TEK: variants seen among roughly 807,000 people sequenced by gnomAD.
The protein encoded by TEK is angiopoietin-1 receptor.
TEK carries 43 observed loss-of-function variants against 131.8 expected under a neutral mutation model. The observed-to-expected ratio is 0.33, with a 90% CI of 0.26 to 0.42. The LOEUF is 0.42. Ranked by LOEUF, TEK falls within the 10% of genes least tolerant of loss-of-function variation. The pLI, the probability that TEK is intolerant of heterozygous loss-of-function variation, is 1.00. For missense variants in TEK, 1,162 were observed against 1,384.4 expected (o/e 0.84, Z 2.55); for synonymous variants, 580 against 491.6 (o/e 1.18, Z -2.38).
chr9:27,157,950 G>C lies in TEK; in HGVS notation c.172G>C (p.Gly58Arg), dbSNP rs1272264375. 1.2e-6 allele frequency: 2 copies of C among 1,614,004 alleles called. No homozygotes were observed. The highest frequency in any genetic ancestry group is 1.1e-5 in the South Asian group (1 of 91,068). ...GCGCCCCCATGAGCCCATCACCATA[G>C]GAAGGGACTTTGAAGCCTTAATGAA... Reference protein sequence around the residue: ...GWRPHEPITIGRDFEALMNQH... With the variant: ...GWRPHEPITIRRDFEALMNQH... The change falls in exon 2 of 23, where the codon GGA becomes CGA. Residue 58 changes from glycine to arginine, a missense_variant. Gly to Arg is a moderately radical substitution (Grantham distance 125). This residue lies in a region of TEK where 436 missense variants were observed against 539.1 expected (regional missense o/e 0.81). Coordinates refer to ENST00000380036, the MANE Select transcript of TEK (RefSeq NM_000459.5).
At chr9:27,164,825 C>T (rs889828439) in intron 2 of TEK, among the ~76,000 whole-genome samples, 3 of 152,184 alleles carry the variant, frequency 2.0e-5, no homozygotes, top group Non-Finnish European at 4.4e-5. Context: ...CATGAGCCAC[C>T]GCCCCCAGGT....
chr9:27,154,954 A>C (rs1328378103), intron 1 of TEK, among the ~76,000 whole-genome samples: 1 of 152,232 alleles, frequency 6.6e-6, no homozygotes, highest in Non-Finnish European at 1.5e-5. Flanking sequence ...TGTCTTTTCA[A>C]ATCAACTGCA....
rs1587044676 is a variant in TEK, at chr9:27,220,155, G to C, written c.3200+10G>C. The C allele has an allele frequency of 1.9e-6, 3 of 1,612,806 alleles. No homozygotes were observed. Among genetic ancestry groups the C allele is most frequent in the South Asian group, 2.2e-5 (2 of 91,044 alleles). ...ACTGTGATGATGAGGTGTAAGTCAG[G>C]CCTCATCCTGGGGCTATTTTGTCTT... On this transcript the variant is annotated intron_variant, in intron 21 of 22. Transcript: ENST00000380036.
At chr9:27,170,154 A>C (rs1369359511) in intron 4 of TEK, among the ~76,000 whole-genome samples, 2 of 152,132 alleles carry the variant, frequency 1.3e-5, no homozygotes, top group Non-Finnish European at 2.9e-5. Context: ...ATCTCATGAG[A>C]ACTCACTCAC....
intron 1 of TEK, among the ~76,000 whole-genome samples, chr9:27,150,331 G>T (rs900803824): frequency 1.3e-5 from 2 of 152,188 alleles, no homozygotes; most frequent in African/African-American, 4.8e-5. Flanking sequence ...GCTTGGCCAG[G>T]CATGTTGGCT....
intron 21 of TEK, among the ~76,000 whole-genome samples, chr9:27,222,116 G>A (rs901928645): frequency 2.0e-5 from 3 of 152,154 alleles, no homozygotes; most frequent in African/African-American, 7.2e-5. Context: ...TAGCTGAATG[G>A]ATCAAGTGGA....
intron 2 of TEK, among the ~76,000 whole-genome samples, chr9:27,158,681 G>C (rs1823432769): frequency 1.3e-5 from 2 of 149,464 alleles, no homozygotes; most frequent in Non-Finnish European, 3.0e-5. Flanking sequence ...TTTTTGGGGG[G>C]GTGGAGTCTC....
intron 7 of TEK, among the ~76,000 whole-genome samples, chr9:27,180,791 A>G (rs1824339089): frequency 1.3e-5 from 2 of 152,254 alleles, no homozygotes; most frequent in Admixed American, 6.5e-5. Flanking sequence ...ATGAAATTTT[A>G]TGTCATTCTA....
intron 1 of TEK, among the ~76,000 whole-genome samples, chr9:27,112,595 C>G (rs745821789): frequency 3.3e-5 from 5 of 152,132 alleles, no homozygotes; most frequent in Non-Finnish European, 7.3e-5. Context: ...ATGTGATGTT[C>G]TCTGGGGAAT....
intron 9 of TEK, 122 bp from the exon 10 acceptor site, chr9:27,190,407 C>A: frequency 8.4e-7 from 1 of 1,192,256 alleles, no homozygotes; most frequent in Non-Finnish European, 1.2e-6. Context: ...CTCACTGAGT[C>A]TGAGCAGAAA....
chr9:27,206,816 C>T (rs1430808312), intron 15 of TEK, 24 bp downstream of exon 15: 27 of 1,610,358 alleles, frequency 1.7e-5, no homozygotes, highest in Non-Finnish European at 2.2e-5. Context: ...CAGATAGAGT[C>T]AGCATTGCGT....
intron 12 of TEK, among the ~76,000 whole-genome samples, chr9:27,202,491 G>A (rs1825252429): frequency 6.6e-6 from 1 of 152,216 alleles, no homozygotes; most frequent in Admixed American, 6.5e-5. Context: ...CTGCCATATT[G>A]TAAGCACTAT....
chr9:27,218,675 C>T, intron 19 of TEK, 102 bp from the exon 20 acceptor site: 3 of 1,200,638 alleles, frequency 2.5e-6, no homozygotes, highest in South Asian at 1.2e-5. Context: ...CATTTAACAT[C>T]TCCTTTTCTC....
At chr9:27,228,489 A>T (rs1425551228) in intron 22 of TEK, among the ~76,000 whole-genome samples, 184 bp downstream of exon 22, 3 of 152,132 alleles carry the variant, frequency 2.0e-5, no homozygotes, top group Non-Finnish European at 4.4e-5. Context: ...GGGAAATAAG[A>T]TTTCTATACA....
At chr9:27,116,511 C>T (rs180870242) in intron 1 of TEK, among the ~76,000 whole-genome samples, 3 of 152,238 alleles carry the variant, frequency 2.0e-5, no homozygotes, top group African/African-American at 7.2e-5. Flanking sequence ...TCTTGAACTC[C>T]TGACCTCATG....
At chr9:27,113,592 A>C (rs1405935289) in intron 1 of TEK, among the ~76,000 whole-genome samples, 1 of 660 alleles carries the variant, frequency 1.5e-3, no homozygotes, top group African/African-American at 1.8e-3. Context: ...GTCTCAATAA[A>C]ATAAAATAAA....
intron 1 of TEK, among the ~76,000 whole-genome samples, chr9:27,121,529 TATAA>T (rs1284966424): frequency 4.7e-5 from 7 of 150,196 alleles, no homozygotes; most frequent in Admixed American, 4.0e-4. Context: ...TTTTTATATG[TATAA>T]ATATATTTTC....
intron 1 of TEK, among the ~76,000 whole-genome samples, chr9:27,111,858 C>G (rs1192212602): frequency 1.3e-5 from 2 of 150,606 alleles, no homozygotes; most frequent in Non-Finnish European, 2.9e-5. Flanking sequence ...TAGGAAGTCT[C>G]TAGTCTCATG....
intron 20 of TEK, 55 bp downstream of exon 20, chr9:27,218,872 C>G (rs1216805198): frequency 6.6e-7 from 1 of 1,505,406 alleles, no homozygotes; most frequent in African/African-American, 1.4e-5. Flanking sequence ...GAGTGGAAGC[C>G]TCTAGCACTC....
Sources: gnomAD v4.1 joint callset for allele counts (sites outside exome capture counted in the v4.1 genomes callset) on GRCh38, gnomAD v4.1.1 for gene constraint, gnomAD v4.1.1 regional missense constraint, MANE v1.5 for transcripts, NCBI Gene and HGNC (gene_info 2026-07-23, HGNC 2026-07-21) for gene names.